RASAL2: variants seen among roughly 807,000 people sequenced by gnomAD.
RASAL2 encodes RAS protein activator like 2, also known as ras GTPase-activating protein nGAP.
RASAL2 carries 58 observed loss-of-function variants against 128.9 expected under a neutral mutation model. That is an observed-to-expected ratio of 0.45 (90% CI 0.36 to 0.56). The LOEUF (loss-of-function observed/expected upper bound fraction) is 0.56, where lower values mean the gene tolerates loss of function less well. Among genes scored for constraint, RASAL2 ranks in the 20% least tolerant of loss-of-function variants. The pLI, the probability that RASAL2 is intolerant of heterozygous loss-of-function variation, is 0.00. For missense variants in RASAL2, 1,360 were observed against 1,601.6 expected (o/e 0.85, Z 2.57); for synonymous variants, 561 against 580.8 (o/e 0.97, Z 0.49).
At chr1:178,275,459 G>A (rs1666457769) in intron 1 of RASAL2, among the ~76,000 whole-genome samples, 1 of 152,182 alleles carries the variant, frequency 6.6e-6, no homozygotes, top group African/African-American at 2.4e-5. Context: ...GTAGTGATGT[G>A]GAAGGGAGAA....
intron 5 of RASAL2, among the ~76,000 whole-genome samples, chr1:178,430,593 G>A (rs1393603478): frequency 6.6e-6 from 1 of 151,962 alleles, no homozygotes; most frequent in Non-Finnish European, 1.5e-5. Context: ...CATTTGTATT[G>A]TACTGCAGTT....
chr1:178,231,230 T>G (rs1663996369), intron 1 of RASAL2, among the ~76,000 whole-genome samples: 1 of 151,982 alleles, frequency 6.6e-6, no homozygotes, highest in South Asian at 2.1e-4. Flanking sequence ...TCACCTGACA[T>G]TCCTGGTGGG....
At chr1:178,321,312 C>T (rs1668765003) in intron 3 of RASAL2, among the ~76,000 whole-genome samples, 1 of 152,072 alleles carries the variant, frequency 6.6e-6, no homozygotes, top group South Asian at 2.1e-4. Flanking sequence ...TCTCGAACTC[C>T]TGACCTAAGG....
chr1:178,137,532 T>G (rs1660370056), intron 1 of RASAL2, among the ~76,000 whole-genome samples: 1 of 152,204 alleles, frequency 6.6e-6, no homozygotes, highest in Non-Finnish European at 1.5e-5. Flanking sequence ...CAATCCCAGC[T>G]GCTTTTTTTC....
At position 178,458,388 on chromosome 1, in the gene RASAL2, T is replaced by C. The variant is rs1374107786; in HGVS notation, c.3096T>C (p.Ser1032=). 16 of 1,614,054 alleles carry C rather than the reference T, an allele frequency of 9.9e-6. No individual in the cohort carries two copies. Among genetic ancestry groups the C allele is most frequent in the Non-Finnish European group, 1.3e-5 (15 of 1,180,038 alleles). The part of the protein sequence containing the change: ...RAKAPPSLPH[S]ASLRSTGSMS... ...AAGCCCCACCATCCCTGCCACACAG[T>C]GCTTCTTTACGTAGCACCGGGAGCA... The change falls in exon 14 of 18, where the codon AGT becomes AGC. Residue 1032 remains serine, a synonymous_variant. Transcript: ENST00000367649.
At chr1:178,341,651 A>C (rs758351971) in intron 3 of RASAL2, 2 of 1,613,186 alleles carry the variant, frequency 1.2e-6, no homozygotes, top group South Asian at 2.2e-5. Flanking sequence ...AAAGTCACGT[A>C]TTTAAGGGGA....
At chr1:178,428,477 T>TTTTTTTTTTTTTTTTTTTGAG (rs1553232228) in intron 5 of RASAL2, among the ~76,000 whole-genome samples, 1 of 151,508 alleles carries the variant, frequency 6.6e-6, no homozygotes, top group African/African-American at 2.4e-5. Flanking sequence ...TTTTAGCTTT[T>TTTTTTTTTTTTTTTTTTTGAG]ATATATAAGT....
intron 1 of RASAL2, among the ~76,000 whole-genome samples, chr1:178,280,355 AT>A (rs944307480): frequency 2.0e-5 from 3 of 151,862 alleles, no homozygotes; most frequent in Non-Finnish European, 4.4e-5. Context: ...CGCTCTTTTA[AT>A]TTTTTTTGAA....
intron 1 of RASAL2, among the ~76,000 whole-genome samples, chr1:178,237,145 T>G (rs1664288868): frequency 6.6e-6 from 1 of 152,038 alleles, no homozygotes; most frequent in Non-Finnish European, 1.5e-5. Flanking sequence ...ATTTTAAAAG[T>G]AAGGAATTAG....
intron 1 of RASAL2, among the ~76,000 whole-genome samples, chr1:178,215,530 C>A (rs1004787489): frequency 6.6e-6 from 1 of 152,138 alleles, no homozygotes; most frequent in African/African-American, 2.4e-5. Flanking sequence ...TTCATTATAC[C>A]AGCTAGTATT....
chr1:178,372,292 G>T (rs529217438), intron 3 of RASAL2: 1 of 985,340 alleles, frequency 1.0e-6, no homozygotes, highest in East Asian at 1.1e-4. Context: ...TAGTAGCACC[G>T]AAGAAGAGAA....
At chr1:178,305,842 T>C (rs1210269602) in intron 3 of RASAL2, among the ~76,000 whole-genome samples, 2 of 152,084 alleles carry the variant, frequency 1.3e-5, no homozygotes, top group African/African-American at 4.8e-5. Flanking sequence ...ACAGAAGAAA[T>C]GCAAAGACTA....
intron 2 of RASAL2, among the ~76,000 whole-genome samples, chr1:178,299,451 C>T (rs1667664389): frequency 6.6e-6 from 1 of 152,122 alleles, no homozygotes; most frequent in South Asian, 2.1e-4. Flanking sequence ...TTTGTACATA[C>T]TTCATGTTAG....
intron 1 of RASAL2, among the ~76,000 whole-genome samples, chr1:178,173,459 T>C (rs1353181299): frequency 6.6e-6 from 1 of 152,140 alleles, no homozygotes; most frequent in African/African-American, 2.4e-5. Context: ...TGTGTATACC[T>C]GTTGTTCCTT....
rs1245924309 is a variant in RASAL2 at position 178,357,958 on chromosome 1, A to G, written c.458-32142A>G. Among the ~76,000 whole-genome samples, 5 of 152,064 alleles carry G rather than the reference A, an allele frequency of 3.3e-5. No individual in the cohort carries two copies. The South Asian group carries it at 8.3e-4, about 25-fold the overall frequency. ...TATTTTTTAAACAAAAAACAAGGCC[A>G]GGTGTGGTGCCTCACACCTGTAATC... On this transcript the variant is annotated intron_variant, in intron 3 of 17. Transcript: ENST00000367649.
intron 2 of RASAL2, among the ~76,000 whole-genome samples, chr1:178,298,933 A>G (rs1667634483): frequency 6.6e-6 from 1 of 151,900 alleles, no homozygotes; most frequent in Admixed American, 6.6e-5. Context: ...CCCAAAACCA[A>G]AAAAAACCCA....
intron 1 of RASAL2, among the ~76,000 whole-genome samples, chr1:178,193,954 C>T (rs1283906366): frequency 2.0e-5 from 3 of 152,114 alleles, no homozygotes; most frequent in Admixed American, 2.0e-4. Context: ...TGAAAAAGCC[C>T]ACATTCTATC....
intron 5 of RASAL2, among the ~76,000 whole-genome samples, chr1:178,438,102 T>TTGTGTGTGTGTG (rs58641965): frequency 3.5e-4 from 50 of 142,154 alleles, no homozygotes; most frequent in African/African-American, 1.2e-3. Context: ...AAATGGTGGC[T>TTGTGTGTGTGTG]TGTGTGTGTG....
chr1:178,322,258 C>A (rs1668827230), intron 3 of RASAL2, among the ~76,000 whole-genome samples: 1 of 152,080 alleles, frequency 6.6e-6, no homozygotes. Context: ...TATGTCCTGC[C>A]TCACCGTACT....
Sources: gnomAD v4.1 joint callset for allele counts (sites outside exome capture counted in the v4.1 genomes callset) on GRCh38, gnomAD v4.1.1 for gene constraint, MANE v1.5 for transcripts, NCBI Gene and HGNC (gene_info 2026-07-23, HGNC 2026-07-21) for gene names.